TRIM2: variants seen among roughly 807,000 people sequenced by gnomAD.
TRIM2 encodes the protein tripartite motif containing 2, also known as tripartite motif-containing protein 2.
A neutral mutation model predicts 75.2 loss-of-function variants in TRIM2; 20 were observed. The ratio of observed to expected loss-of-function variants is 0.27; its 90% confidence interval spans 0.19 to 0.39. The LOEUF is 0.39. TRIM2 is among the 10% of genes least tolerant of loss of function. The probability of loss-of-function intolerance (pLI) is 1.00; values close to 1 mark genes in which losing one functional copy is unlikely to be tolerated. For missense variants in TRIM2, 660 were observed against 990.8 expected (o/e 0.67, Z 4.48); for synonymous variants, 373 against 388.3 (o/e 0.96, Z 0.46).
At chr4:153,204,685 A>C (rs1394436039) in intron 1 of TRIM2, 125 bp downstream of exon 1, 1 of 1,259,072 alleles carries the variant, frequency 7.9e-7, no homozygotes, top group African/African-American at 1.5e-5. Context: ...CCTGCAGAAG[A>C]GGGAAGGAAA....
chr4:153,290,180 A>G (rs1475140055), intron 3 of TRIM2, among the ~76,000 whole-genome samples: 2 of 152,208 alleles, frequency 1.3e-5, no homozygotes, highest in Admixed American at 6.5e-5. Context: ...AAGAAATCTC[A>G]GAATTTAGTG....
In TRIM2 at chr4:153,270,352, A is replaced by T. The variant is rs1228822679; in HGVS notation, c.48A>T (p.Ser16=). 6.2e-7 allele frequency: 1 copy of T among 1,613,250 alleles called. No homozygotes were observed. The highest frequency in any genetic ancestry group is 8.5e-7 in the Non-Finnish European group (1 of 1,179,588). ...RYGTQQQRAG[S]KTAGPPCQWS... ...TCTGACAGCAGCAGCGTGCAGGGTC[A>T]AAGACAGCCGGCCCCCCATGTCAGT... The change falls in exon 2 of 12, where the codon TCA becomes TCT. Residue 16 remains serine, a synonymous_variant. Coordinates refer to ENST00000338700, the MANE Select transcript of TRIM2 (RefSeq NM_015271.5).
At chr4:153,208,858 A>G (rs915025097) in intron 1 of TRIM2, among the ~76,000 whole-genome samples, 6 of 152,218 alleles carry the variant, frequency 3.9e-5, no homozygotes, top group African/African-American at 1.4e-4. Flanking sequence ...TACAATTTCC[A>G]TACATTACAA....
chr4:153,233,428 C>A (rs1744187055), intron 1 of TRIM2, among the ~76,000 whole-genome samples: 1 of 151,854 alleles, frequency 6.6e-6, no homozygotes, highest in Non-Finnish European at 1.5e-5. Context: ...TACTTACAGT[C>A]AAATTCACCT....
chr4:153,298,237 T>C (rs1763146889), intron 6 of TRIM2, among the ~76,000 whole-genome samples: 1 of 152,232 alleles, frequency 6.6e-6, no homozygotes, highest in Non-Finnish European at 1.5e-5. Context: ...GAAGTAAAGA[T>C]GCTGTCTTAG....
Position 153,336,351 on chromosome 4 carries a change from A to C in TRIM2, c.*1385A>C. 1.0e-6 allele frequency: 1 copy of C among 984,566 alleles called. No individual in the cohort carries two copies. Among genetic ancestry groups the C allele is most frequent in the Non-Finnish European group, 1.2e-6 (1 of 829,330 alleles). 61.0% of individuals were successfully genotyped at this position (984,566 alleles called of 1,614,324 possible). ...GAAAATGGCCTTCTGTGCTTTCAAAAAAAAAAACAAAAAAAAAACCACACA... is the reference window on the plus strand; with the variant it reads ...GAAAATGGCCTTCTGTGCTTTCAAACAAAAAAACAAAAAAAAAACCACACA... On this transcript the variant is annotated 3_prime_UTR_variant, in exon 12 of 12. Transcript: ENST00000338700.
intron 1 of TRIM2, among the ~76,000 whole-genome samples, chr4:153,188,744 G>GA (rs1278641583): frequency 3.2e-4 from 44 of 138,646 alleles, no homozygotes; most frequent in Non-Finnish European, 3.1e-4. Flanking sequence ...GCCTTTCCCT[G>GA]AAAACAAAAA....
rs143519675 is a variant in TRIM2 at position 153,170,058 on chromosome 4, G to C, written c.-49+16788G>C. Among the ~76,000 whole-genome samples, 450 of 152,266 alleles carry C rather than the reference G, an allele frequency of 3.0e-3. 4 individuals are homozygous for C. The highest frequency in any genetic ancestry group is 0.01 in the African/African-American group (430 of 41,540). The stretch of plus-strand genomic sequence containing the variant: ...ATGGTACATTTCAATCCACTGCATA[G>C]CAAAATACATGCTGAAGTGAATGGC... On this transcript the variant is annotated intron_variant, in intron 1 of 11. Coordinates refer to the TRIM2 transcript ENST00000437508.
At chr4:153,242,705 T>C (rs1193755954) in intron 1 of TRIM2, among the ~76,000 whole-genome samples, 2 of 152,226 alleles carry the variant, frequency 1.3e-5, no homozygotes, top group Non-Finnish European at 2.9e-5. Flanking sequence ...TCAGGCAGCC[T>C]GCACAGACCT....
At chr4:153,185,125 T>C (rs1241022477) in intron 1 of TRIM2, among the ~76,000 whole-genome samples, 2 of 152,230 alleles carry the variant, frequency 1.3e-5, no homozygotes, top group African/African-American at 4.8e-5. Flanking sequence ...TTTAACGCAT[T>C]CTTCCTGTGT....
chr4:153,282,813 A>T (rs1759653986), intron 3 of TRIM2, among the ~76,000 whole-genome samples: 1 of 151,258 alleles, frequency 6.6e-6, no homozygotes, highest in Non-Finnish European at 1.5e-5. Context: ...GGAGACAAAA[A>T]AGTCTCACTC....
intron 3 of TRIM2, among the ~76,000 whole-genome samples, chr4:153,283,602 C>T: frequency 6.6e-6 from 1 of 151,494 alleles, no homozygotes; most frequent in East Asian, 1.9e-4. Flanking sequence ...TATGATAATT[C>T]CATGTTTAAC....
intron 3 of TRIM2, among the ~76,000 whole-genome samples, chr4:153,277,793 C>T (rs548986119): frequency 7.4e-4 from 113 of 152,294 alleles, no homozygotes; most frequent in Admixed American, 1.7e-3. Context: ...GCACACCAGG[C>T]TATTAATAGC....
At position 153,197,950 on chromosome 4, in the gene TRIM2, G is replaced by A. The variant is rs577410704; in HGVS notation, c.-49+44680G>A. ...ACCTTGTGAGGGCGGCAAAAAGACA[G>A]CTGCCTCTTAATGAGAAAACAGGCC... is the stretch of plus-strand genomic sequence containing the variant. On this transcript the variant is annotated intron_variant, in intron 1 of 11. Coordinates refer to the TRIM2 transcript ENST00000437508. 2.6e-5 allele frequency among the ~76,000 whole-genome samples: 4 copies of A among 152,254 alleles called. No homozygotes were observed. In the East Asian group the frequency reaches 7.7e-4, roughly 29 times the overall value.
In TRIM2 at chr4:153,336,133, T is replaced by TATAC. The variant is rs1554006368; in HGVS notation, c.*1168_*1169insTACA. 35 of 964,342 alleles carry TATAC rather than the reference T, an allele frequency of 3.6e-5. No homozygotes were observed. Among genetic ancestry groups the TATAC allele is most frequent in the Middle Eastern group, 5.4e-4 (1 of 1,852 alleles). The allele number at this position is 964,342 out of a possible 1,614,324, so 59.7% of individuals were successfully genotyped here. On this transcript the variant is annotated 3_prime_UTR_variant, in exon 12 of 12. Transcript: ENST00000338700. ...AGAATGTATTATATATATATATATATACACACACACATATATATAGCTGAA... is the reference window on the plus strand; with the variant it reads ...AGAATGTATTATATATATATATATATATACACACACACACATATATATAGCTGAA...
chr4:153,297,760 C>T (rs1216782996), intron 6 of TRIM2, among the ~76,000 whole-genome samples: 1 of 152,182 alleles, frequency 6.6e-6, no homozygotes, highest in African/African-American at 2.4e-5. Context: ...TTCTTCTCAC[C>T]AGCTGGGCAA....
At chr4:153,232,608 G>A (rs754652125) in intron 1 of TRIM2, among the ~76,000 whole-genome samples, 13 of 152,094 alleles carry the variant, frequency 8.5e-5, no homozygotes, top group Non-Finnish European at 1.8e-4. Flanking sequence ...CCAGCATGCA[G>A]AATATGCTGG....
intron 6 of TRIM2, among the ~76,000 whole-genome samples, chr4:153,301,375 G>A (rs1763890975): frequency 6.6e-6 from 1 of 152,074 alleles, no homozygotes; most frequent in African/African-American, 2.4e-5. Context: ...ATTCTATTGA[G>A]TTGTTTGAGT....
At chr4:153,228,446 A>G (rs1345779372) in intron 1 of TRIM2, among the ~76,000 whole-genome samples, 2 of 152,390 alleles carry the variant, frequency 1.3e-5, no homozygotes, top group East Asian at 1.9e-4. Flanking sequence ...CACTTAATCT[A>G]TACAGTTTCG....
Sources: allele counts gnomAD v4.1 joint callset (sites outside exome capture counted in the v4.1 genomes callset), GRCh38; gene constraint gnomAD v4.1.1; transcripts MANE v1.5; gene names NCBI Gene and HGNC (gene_info 2026-07-23, HGNC 2026-07-21).